Variants in PREX2 observed in about 807,000 individuals in gnomAD.
The protein encoded by PREX2 is phosphatidylinositol-3,4,5-trisphosphate dependent Rac exchange factor 2.
PREX2 carries 107 observed loss-of-function variants against 203.2 expected under a neutral mutation model. The ratio of observed to expected loss-of-function variants is 0.53; its 90% confidence interval spans 0.45 to 0.62. The LOEUF is 0.62. PREX2 is among the 20% of genes least tolerant of loss of function. The pLI is 0.00. For missense variants in PREX2, 1,777 were observed against 1,955.9 expected (o/e 0.91, Z 1.72); for synonymous variants, 672 against 663.6 (o/e 1.01, Z -0.19).
At chr8:68,225,146 C>T (rs1403766215) in intron 39 of PREX2, among the ~76,000 whole-genome samples, 3 of 152,126 alleles carry the variant, frequency 2.0e-5, no homozygotes, top group Non-Finnish European at 4.4e-5. Context: ...TCACATGTTC[C>T]TTTGCCCAAC....
At chr8:68,194,512 G>A (rs1376184215) in intron 37 of PREX2, among the ~76,000 whole-genome samples, 1 of 152,022 alleles carries the variant, frequency 6.6e-6, no homozygotes, top group Non-Finnish European at 1.5e-5. Flanking sequence ...GAGTGGCCGG[G>A]CGCAGTGGCT....
chr8:68,069,378 C>A (rs1809122633), intron 12 of PREX2, among the ~76,000 whole-genome samples: 1 of 151,282 alleles, frequency 6.6e-6, no homozygotes, highest in Non-Finnish European at 1.5e-5. Flanking sequence ...CAGGTTATAT[C>A]CATGGAAAAC....
rs1813242662 is a variant in PREX2 at position 68,235,124 on chromosome 8, A to C, written c.*3746A>C. The C allele has an allele frequency of 6.6e-6, 1 of 152,144 alleles. No individual in the cohort carries two copies. The highest frequency in any genetic ancestry group is 1.9e-4 in the East Asian group (1 of 5,196). The allele number at this position is 152,144 out of a possible 1,614,324, so 9.4% of individuals were successfully genotyped here. A position where few individuals can be genotyped will look rare whatever the true frequency, so the allele number is the denominator to read the frequency against. On this transcript the variant is annotated 3_prime_UTR_variant, in exon 40 of 40. Coordinates refer to ENST00000288368, the MANE Select transcript of PREX2 (RefSeq NM_024870.4). The stretch of plus-strand genomic sequence containing the variant: ...TAATACCTTTGCATTTAAAATACTG[A>C]AGTATTATTTTGTTAGTTGAAGTAG...
chr8:68,046,972 G>T lies in PREX2; in HGVS notation c.943+2382G>T, dbSNP rs575525943. On this transcript the variant is annotated intron_variant, in intron 8 of 39. Coordinates refer to ENST00000288368, the MANE Select transcript of PREX2 (RefSeq NM_024870.4). ...AATGTACCCCAATAGCATTTCAGAT[G>T]ATCGAAATGAGGCCAGGTTTAAGAA... Among the ~76,000 whole-genome samples the T allele has an allele frequency of 3.3e-5, 5 of 152,108 alleles. No individual in the cohort carries two copies. The East Asian group carries it at 7.8e-4, about 24-fold the overall frequency.
intron 35 of PREX2, among the ~76,000 whole-genome samples, chr8:68,172,748 AT>A (rs1328933709): frequency 6.6e-6 from 1 of 152,126 alleles, no homozygotes; most frequent in Non-Finnish European, 1.5e-5. Context: ...GAAAGGAGAA[AT>A]TGTAGTTATG....
intron 35 of PREX2, among the ~76,000 whole-genome samples, chr8:68,179,673 A>G (rs1294693837): frequency 6.6e-6 from 1 of 152,178 alleles, no homozygotes; most frequent in Admixed American, 6.6e-5. Flanking sequence ...TCCTGCAGGA[A>G]GGAGCTTTGT....
intron 1 of PREX2, among the ~76,000 whole-genome samples, chr8:67,992,452 C>G (rs7462705): frequency 0.49 from 74,832 of 151,956 alleles, 18,795 homozygotes; most frequent in South Asian, 0.61. Context: ...AGGCTGAGAA[C>G]CATTTAAGAA....
At chr8:68,100,200 A>G (rs897382240) in intron 23 of PREX2, 1 of 461,812 alleles carries the variant, frequency 2.2e-6, no homozygotes, top group Non-Finnish European at 4.3e-6. Context: ...TCTCCCAACT[A>G]AGAGAATGAA....
intron 11 of PREX2, among the ~76,000 whole-genome samples, chr8:68,068,190 A>G (rs1304573752): frequency 6.6e-6 from 1 of 151,896 alleles, no homozygotes; most frequent in Non-Finnish European, 1.5e-5. Context: ...TGTAGTATTC[A>G]TATCTGGCCT....
At chr8:68,043,752 C>T (rs1047858195) in intron 7 of PREX2, among the ~76,000 whole-genome samples, 1 of 151,890 alleles carries the variant, frequency 6.6e-6, no homozygotes, top group African/African-American at 2.4e-5. Context: ...TTCCTGTGTG[C>T]TTAATGATTC....
At chr8:68,229,917 G>A (rs1357577674) in intron 39 of PREX2, among the ~76,000 whole-genome samples, 3 of 152,220 alleles carry the variant, frequency 2.0e-5, no homozygotes, top group Non-Finnish European at 2.9e-5. Context: ...TTCTTCAGCT[G>A]CAAAAGAACC....
intron 37 of PREX2, among the ~76,000 whole-genome samples, chr8:68,209,147 G>A (rs995321878): frequency 2.6e-5 from 4 of 151,578 alleles, no homozygotes; most frequent in African/African-American, 4.8e-5. Context: ...TGTACAAATA[G>A]GAGGAGTAGC....
chr8:68,170,695 G>T (rs894226720), intron 35 of PREX2, among the ~76,000 whole-genome samples: 43 of 152,152 alleles, frequency 2.8e-4, no homozygotes, highest in African/African-American at 9.7e-4. Flanking sequence ...AAGAAATTCA[G>T]GGGATGGGGC....
chr8:68,224,479 A>C, intron 38 of PREX2, 80 bp from the exon 39 acceptor site: 1 of 1,064,824 alleles, frequency 9.4e-7, no homozygotes, highest in Non-Finnish European at 1.5e-6. Flanking sequence ...TTGAATAAGT[A>C]TCCTACACAC....
chr8:68,207,674 AAAACAACAC>A (rs763867177), intron 37 of PREX2, among the ~76,000 whole-genome samples: 4 of 152,160 alleles, frequency 2.6e-5, no homozygotes, highest in Non-Finnish European at 5.9e-5. Flanking sequence ...TACAATCCTG[AAAACAACAC>A]TGTGTGTTGT....
At chr8:68,065,212 A>G (rs1372863458) in intron 11 of PREX2, among the ~76,000 whole-genome samples, 1 of 152,214 alleles carries the variant, frequency 6.6e-6, no homozygotes, top group Non-Finnish European at 1.5e-5. Flanking sequence ...AATAGGTTAG[A>G]CTACCACTTG....
chr8:68,103,766 T>C, intron 23 of PREX2: 2 of 517,650 alleles, frequency 3.9e-6, no homozygotes, highest in South Asian at 2.8e-5. Context: ...TGACCCCACA[T>C]ATGCCTGGTT....
chr8:68,110,608 A>G (rs974359313), intron 25 of PREX2, among the ~76,000 whole-genome samples: 3 of 151,782 alleles, frequency 2.0e-5, no homozygotes, highest in African/African-American at 7.3e-5. Context: ...AACTCTTTTA[A>G]CTTCACACAC....
intron 35 of PREX2, among the ~76,000 whole-genome samples, chr8:68,166,186 CAA>C (rs1811759112): frequency 6.6e-6 from 1 of 152,084 alleles, no homozygotes; most frequent in East Asian, 1.9e-4. Flanking sequence ...AAAAACAGCC[CAA>C]ATAAAGTATA....
Sources: allele counts gnomAD v4.1 joint callset (sites outside exome capture counted in the v4.1 genomes callset), GRCh38; gene constraint gnomAD v4.1.1; transcripts MANE v1.5; gene names NCBI Gene and HGNC (gene_info 2026-07-23, HGNC 2026-07-21).